MED4: variants seen among roughly 807,000 people sequenced by gnomAD.
MED4 encodes the protein mediator of RNA polymerase II transcription subunit 4.
A neutral mutation model predicts 35.0 loss-of-function variants in MED4; 21 were observed. The ratio of observed to expected loss-of-function variants is 0.60; its 90% CI spans 0.43 to 0.86. MED4 has a LOEUF of 0.86. Ranked by LOEUF, MED4 falls within the 40% of genes least tolerant of loss-of-function variation. The pLI, the probability that MED4 is intolerant of heterozygous loss-of-function variation, is 0.00. For missense variants in MED4, 300 were observed against 319.4 expected (o/e 0.94, Z 0.46); for synonymous variants, 138 against 114.0 (o/e 1.21, Z -1.34).
intron 1 of MED4, among the ~76,000 whole-genome samples, chr13:48,094,009 G>T (rs1950907723): frequency 6.6e-6 from 1 of 152,210 alleles, no homozygotes; most frequent in Non-Finnish European, 1.5e-5. Flanking sequence ...TGAAGATGTG[G>T]AAGTCTGACT....
At chr13:48,090,805 A>G (rs1054644355) in intron 1 of MED4, among the ~76,000 whole-genome samples, 2 of 152,260 alleles carry the variant, frequency 1.3e-5, no homozygotes, top group Non-Finnish European at 2.9e-5. Flanking sequence ...ATCAAACTAC[A>G]AATTGCAGAC....
chr13:48,095,072 C>G lies in MED4; in HGVS notation c.7G>C (p.Ala3Pro). The change falls in exon 1 of 7, where the codon GCG becomes CCG. Residue 3 changes from alanine (A) to proline (P), a missense_variant. Coordinates refer to ENST00000258648, the MANE Select transcript of MED4 (RefSeq NM_014166.4). MAASSSGEKEKER... is the reference protein window; with the variant it reads MAPSSSGEKEKER... The stretch of plus-strand genomic sequence containing the variant: ...TTCTCCTTCTCACCACTCGAAGACG[C>G]AGCCATTTTCCCCAGAGTCCCGCCA... The G allele has an allele frequency of 1.2e-6, 2 of 1,603,626 alleles. No homozygotes were observed. The highest frequency in any genetic ancestry group is 2.2e-5 in the South Asian group (2 of 91,090).
rs1950764186 is a variant in MED4, at chr13:48,076,987, CA to C, written c.*151del. 2 of 603,772 alleles carry C rather than the reference CA, an allele frequency of 3.3e-6. No individual in the cohort carries two copies. The highest frequency in any genetic ancestry group is 5.2e-6 in the Non-Finnish European group (2 of 384,090). 37.4% of individuals were successfully genotyped at this position (603,772 alleles called of 1,614,324 possible). ...TGGTCTTTGGCTTTAAAAAGAAAGTCAAAAAATTTTGACTTTTAATGACTGC... is the reference window on the plus strand; with the variant it reads ...TGGTCTTTGGCTTTAAAAAGAAAGTCAAAAATTTTGACTTTTAATGACTGC... On this transcript the variant is annotated 3_prime_UTR_variant, in exon 7 of 7. Transcript: ENST00000258648.
intron 1 of MED4, chr13:48,093,537 CACATA>C (rs1419746186): frequency 2.2e-6 from 1 of 460,110 alleles, no homozygotes; most frequent in Non-Finnish European, 4.5e-6. Flanking sequence ...AGAATCAGTA[CACATA>C]ACTACCTCTG....
At chr13:48,092,074 A>T (rs919635141) in intron 1 of MED4, among the ~76,000 whole-genome samples, 2 of 152,088 alleles carry the variant, frequency 1.3e-5, no homozygotes, top group Non-Finnish European at 1.5e-5. Context: ...GTAGGGCCTT[A>T]TAGTTATGGT....
chr13:48,083,951 T>C (rs1225058059), intron 3 of MED4, among the ~76,000 whole-genome samples: 1 of 152,100 alleles, frequency 6.6e-6, no homozygotes, highest in Non-Finnish European at 1.5e-5. Flanking sequence ...TCTTCGACTA[T>C]GACACTGTGG....
intron 1 of MED4, among the ~76,000 whole-genome samples, chr13:48,091,425 A>G (rs1315860860): frequency 6.6e-6 from 1 of 152,216 alleles, no homozygotes; most frequent in African/African-American, 2.4e-5. Context: ...TGCTCTGATC[A>G]GCCTGAGCAT....
intron 3 of MED4, among the ~76,000 whole-genome samples, chr13:48,085,170 A>ATTTT (rs56225303): frequency 2.9e-5 from 4 of 139,374 alleles, no homozygotes; most frequent in Admixed American, 7.1e-5. Context: ...TGCCCAGCTA[A>ATTTT]TTTTTTTTTT....
At position 48,079,966 on chromosome 13, in the gene MED4, C is replaced by CG; in HGVS notation, c.517dup (p.Arg173ProfsTer7). The CG allele has an allele frequency of 6.2e-7, 1 of 1,613,106 alleles. No homozygotes were observed. On this transcript the variant is annotated frameshift_variant, in exon 6 of 7. Coordinates refer to ENST00000258648, the MANE Select transcript of MED4 (RefSeq NM_014166.4). LOFTEE classifies it high-confidence loss of function. ...CTCTAAATCAGTTGGGTAGGGTCTC[C>CG]GGGGGTCCCCTAAAACAATAAAGAC...
rs186556359 is a variant in MED4 at position 48,083,759 on chromosome 13, C to T, written c.364-331G>A. ...TGGACGACCCCAAAAGCATCCTATT[C>T]TTGCAACTAGTTCAAGAATAAAATA... On this transcript the variant is annotated intron_variant, in intron 3 of 6. Transcript: ENST00000258648. Among the ~76,000 whole-genome samples, 821 of 152,296 alleles carry T rather than the reference C, an allele frequency of 5.4e-3. 6 individuals carry two copies. The highest frequency in any genetic ancestry group is 7.6e-3 in the Non-Finnish European group (519 of 68,018).
chr13:48,086,180 AAAG>A, intron 3 of MED4, 99 bp downstream of exon 3: 1 of 1,073,040 alleles, frequency 9.3e-7, no homozygotes, highest in South Asian at 1.5e-5. Flanking sequence ...TTAGACTTGG[AAAG>A]TCTAGTTTTC....
chr13:48,092,657 AT>A (rs1484034677), intron 1 of MED4, among the ~76,000 whole-genome samples: 1 of 152,206 alleles, frequency 6.6e-6, no homozygotes, highest in Non-Finnish European at 1.5e-5. Context: ...GATTTCAGAT[AT>A]CTTTTGGAGG....
At chr13:48,082,258 G>C (rs533247896) in intron 4 of MED4, among the ~76,000 whole-genome samples, 2 of 151,760 alleles carry the variant, frequency 1.3e-5, no homozygotes, top group East Asian at 3.9e-4. Context: ...GTACATATGT[G>C]TATTTGTATT....
At position 48,077,157 on chromosome 13, in the gene MED4, A is replaced by G. The variant is rs760693131; in HGVS notation, c.795T>C (p.Ser265=). Reference sequence around the variant, plus strand: ...AGGTTTTTCAATCAGACTCACTACTACTGCTTGAGGAGTCCGTTGACATAA... The same window carrying G: ...AGGTTTTTCAATCAGACTCACTACTGCTGCTTGAGGAGTCCGTTGACATAA... ...VEIMSTDSSS[S]SSESD Residue 265 remains serine (S), a synonymous_variant, in exon 7 of 7, where the codon AGT becomes AGC. Transcript: ENST00000258648. 11 of 1,608,772 alleles carry G rather than the reference A, an allele frequency of 6.8e-6. No homozygotes were observed. Among genetic ancestry groups the G allele is most frequent in the African/African-American group, 1.3e-5 (1 of 74,546 alleles).
Position 48,086,312 on chromosome 13 carries a change from T to C in MED4, c.333A>G (p.Gln111=), listed in dbSNP as rs1421056305. The change falls in exon 3 of 7, where the codon CAA becomes CAG. Residue 111 remains glutamine, a synonymous_variant. Transcript: ENST00000258648. ...TTTGTTCTGCTTCCTTTAGCTGTTT[T>C]TGTAGCTGCTGAATATCACTGTCTC... ...EKRDSDIQQL[Q]KQLKEAEQIL... is the part of the protein sequence containing the mutation. 1 of 1,613,936 alleles carries C rather than the reference T, an allele frequency of 6.2e-7. No homozygotes were observed. The highest frequency in any genetic ancestry group is 1.1e-5 in the South Asian group (1 of 91,078).
chr13:48,081,627 T>G lies in MED4; in HGVS notation c.508+18A>C, dbSNP rs1283911906. On this transcript the variant is annotated intron_variant, in intron 5 of 6. Transcript: ENST00000258648. ...TCAAAACCACATATATCTAGTATAA[T>G]AAGACGAGTATGTTTACCTGGAACC... The G allele has an allele frequency of 3.8e-6, 6 of 1,578,900 alleles. No homozygotes were observed. The highest frequency in any genetic ancestry group is 5.2e-6 in the Non-Finnish European group (6 of 1,152,932).
rs1253604998 is a variant in MED4 at position 48,086,667 on chromosome 13, A to G, written c.193-215T>C. Among the ~76,000 whole-genome samples, 6 of 152,244 alleles carry G rather than the reference A, an allele frequency of 3.9e-5. No individual in the cohort carries two copies. The East Asian group carries it at 1.2e-3, about 29-fold the overall frequency. On this transcript the variant is annotated intron_variant, in intron 2 of 6. Transcript: ENST00000258648. ...TCTACTTTTTCAGATATTCTTTCAT[A>G]CAAAACAAAATAAAACTAGCCTTTC...
chr13:48,086,213 AAC>A, intron 3 of MED4, 67 bp downstream of exon 3: 1 of 1,447,894 alleles, frequency 6.9e-7, no homozygotes, highest in Admixed American at 2.0e-5. Flanking sequence ...AAATATTGAT[AAC>A]AGATTTTTCA....
At chr13:48,094,072 C>G (rs1950908075) in intron 1 of MED4, among the ~76,000 whole-genome samples, 1 of 152,138 alleles carries the variant, frequency 6.6e-6, no homozygotes, top group Non-Finnish European at 1.5e-5. Flanking sequence ...AATGAGGTAG[C>G]TTTTATATAA....
Sources: allele counts gnomAD v4.1 joint callset (sites outside exome capture counted in the v4.1 genomes callset), GRCh38; gene constraint gnomAD v4.1.1; transcripts MANE v1.5; gene names NCBI Gene and HGNC (gene_info 2026-07-23, HGNC 2026-07-21).